CYP4F8: variants seen among roughly 807,000 people sequenced by gnomAD.
CYP4F8 encodes cytochrome P450 family 4 subfamily F member 8.
A neutral mutation model predicts 55.0 loss-of-function variants in CYP4F8; 56 were observed. The observed-to-expected ratio is 1.02, with a 90% CI of 0.82 to 1.27. The LOEUF (loss-of-function observed/expected upper bound fraction) is 1.27, where lower values mean the gene tolerates loss of function less well. Ranked by LOEUF, CYP4F8 falls within the 50% of genes most tolerant of loss-of-function variation. The pLI, the probability that CYP4F8 is intolerant of heterozygous loss-of-function variation, is 0.00. For missense variants in CYP4F8, 680 were observed against 682.4 expected (o/e 1.00, Z 0.04); for synonymous variants, 288 against 267.3 (o/e 1.08, Z -0.76).
chr19:15,628,995 C>A (rs187494471), intron 12 of CYP4F8, among the ~76,000 whole-genome samples, 152 bp downstream of exon 12: 1 of 152,134 alleles, frequency 6.6e-6, no homozygotes, highest in Non-Finnish European at 1.5e-5. Flanking sequence ...CCTCCTGCCC[C>A]GTCTGGTTTC....
At chr19:15,620,790 C>T (rs1184228124) in intron 5 of CYP4F8, among the ~76,000 whole-genome samples, 7 of 152,210 alleles carry the variant, frequency 4.6e-5, no homozygotes, top group African/African-American at 1.7e-4. Flanking sequence ...AAATAGGCTC[C>T]ATCTCTTAAT....
intron 9 of CYP4F8, chr19:15,627,201 T>C (rs996894831): frequency 2.6e-5 from 4 of 152,226 alleles, no homozygotes; most frequent in Non-Finnish European, 4.4e-5. Flanking sequence ...GGATAGGGCA[T>C]GGTGGCTTAT....
intron 3 of CYP4F8, 150 bp downstream of exon 3, chr19:15,618,294 C>T: frequency 8.5e-7 from 1 of 1,170,932 alleles, no homozygotes; most frequent in East Asian, 2.4e-5. Context: ...TTCCTGTAGT[C>T]ACCAACCCCA....
rs1446514527 is a variant in CYP4F8, at chr19:15,619,638, A to T, written c.401A>T (p.Asp134Val). 3.1e-6 allele frequency: 5 copies of T among 1,614,088 alleles called. No homozygotes were observed. Among genetic ancestry groups the T allele is most frequent in the Non-Finnish European group, 4.2e-6 (5 of 1,180,028 alleles). Residue 134 changes from aspartate (D) to valine (V), a missense_variant, in exon 5 of 13, where the codon GAT (aspartate) becomes GTT (valine). Asp to Val is a radical substitution (Grantham distance 152). Transcript: ENST00000612078. ...CAGCCTTTGGCTGCCGTACTAGGGGATGGGCTCTTGTTAAGTGTTGGTGAC... is the reference window on the plus strand; with the variant it reads ...CAGCCTTTGGCTGCCGTACTAGGGGTTGGGCTCTTGTTAAGTGTTGGTGAC... ...FYKTLKPWLG[D>V]GLLLSVGDKW...
chr19:15,626,605 A>ATATC (rs57706048), intron 9 of CYP4F8, among the ~76,000 whole-genome samples: 73,551 of 146,514 alleles, frequency 0.5, 18,232 homozygotes, highest in East Asian at 0.58. Flanking sequence ...ATTGTTCTGG[A>ATATC]TATCTATCTA....
chr19:15,615,506 C>G (rs1217278043), intron 1 of CYP4F8, 110 bp from the exon 2 acceptor site: 9 of 1,265,538 alleles, frequency 7.1e-6, no homozygotes. Flanking sequence ...CTGAGATTCC[C>G]TGAATCTCCC....
Position 15,623,346 on chromosome 19 carries a change from G to A in CYP4F8, c.889G>A (p.Asp297Asn). Residue 297 changes from aspartate (D) to asparagine (N), a missense_variant, in exon 7 of 13, where the codon GAC (aspartate) becomes AAC (asparagine). Physicochemically the swap from Asp to Asn is conservative, Grantham distance 23 (BLOSUM62 1). Transcript: ENST00000612078. ...AGCCAAGGCCAAGTCCAAGACTTTG[G>A]ACTTTATTGATGTGCTCCTGCTGAG... is the stretch of plus-strand genomic sequence containing the variant. ...LQAKAKSKTL[D>N]FIDVLLLSED... 1 of 1,614,024 alleles carries A rather than the reference G, an allele frequency of 6.2e-7. No homozygotes were observed. Among genetic ancestry groups the A allele is most frequent in the Non-Finnish European group, 8.5e-7 (1 of 1,180,014 alleles).
chr19:15,629,080 C>T, intron 12 of CYP4F8, 113 bp from the exon 13 acceptor site: 2 of 1,418,696 alleles, frequency 1.4e-6, no homozygotes, highest in South Asian at 1.4e-5. Context: ...AGCTTCCCCC[C>T]TGTCTGCCCA....
In CYP4F8 at chr19:15,623,239, G is replaced by A; in HGVS notation, c.782G>A (p.Arg261Lys). ...PCGRRFHRAC[R>K]LVHDFTDAVI... ...GGACGGCGCTTCCACAGGGCCTGCA[G>A]ACTGGTGCACGACTTCACAGATGCC... Residue 261 changes from arginine (R) to lysine (K), a missense_variant, in exon 7 of 13, where the codon AGA (arginine) becomes AAA (lysine). Physicochemically the swap from Arg to Lys is conservative, Grantham distance 26 (BLOSUM62 2). Transcript: ENST00000612078. The A allele has an allele frequency of 6.2e-7, 1 of 1,614,092 alleles. No homozygotes were observed. The highest frequency in any genetic ancestry group is 1.3e-5 in the African/African-American group (1 of 75,008).
chr19:15,628,187 T>C (rs1004960996), intron 9 of CYP4F8, 115 bp from the exon 10 acceptor site: 105 of 1,477,414 alleles, frequency 7.1e-5, no homozygotes, highest in Non-Finnish European at 9.1e-5. Flanking sequence ...TCTTTGTTGC[T>C]TCTGGAATTA....
chr19:15,628,761 GT>G lies in CYP4F8; in HGVS notation c.1316del (p.Val439AlafsTer40), dbSNP rs1167281647. ...CAGCCTTAACTTGCCTCCACCCCAG[GT>G]CTATGACCCCTTCCGCTTCGACCCA... Reference protein sequence around the residue: ...HNPSVWPDPEVYDPFRFDPEN... With the variant: ...HNPSVWPDPEXYDPFRFDPEN... On this transcript the variant is annotated frameshift_variant and splice_region_variant, in exon 12 of 13. Transcript: ENST00000612078. LOFTEE classifies it high-confidence loss of function. 6.2e-7 allele frequency: 1 copy of G among 1,613,336 alleles called. No homozygotes were observed. Among genetic ancestry groups the G allele is most frequent in the Non-Finnish European group, 8.5e-7 (1 of 1,179,788 alleles).
chr19:15,619,066 C>T, intron 3 of CYP4F8: 1 of 188,696 alleles, frequency 5.3e-6, no homozygotes, highest in Non-Finnish European at 1.1e-5. Flanking sequence ...GCAGTCTAAG[C>T]CATTAAAGAG....
intron 9 of CYP4F8, 47 bp from the exon 10 acceptor site, chr19:15,628,255 A>T (rs1198192485): frequency 6.2e-7 from 1 of 1,612,330 alleles, no homozygotes; most frequent in African/African-American, 1.3e-5. Flanking sequence ...CAGGGGCAGC[A>T]GGAGGGCCGT....
chr19:15,615,773 C>T lies in CYP4F8; in HGVS notation c.157C>T (p.Gln53Ter). Reference sequence around the variant, plus strand: ...CGGCCGCCGCCTCCGGTGTTTCCCGCAGCCCCGGAAACAGAACTGGTTCTT... The same window carrying T: ...CGGCCGCCGCCTCCGGTGTTTCCCGTAGCCCCGGAAACAGAACTGGTTCTT... Reference protein sequence around the residue: ...HNGRRLRCFPQPRKQNWFLGH... With the variant: ...HNGRRLRCFP The change falls in exon 2 of 13, where the codon CAG becomes TAG. Residue 53 changes from glutamine to a stop codon, truncating the protein, a stop_gained. Coordinates refer to ENST00000612078, the MANE Select transcript of CYP4F8 (RefSeq NM_007253.4). LOFTEE classifies it high-confidence loss of function. 2.5e-6 allele frequency: 4 copies of T among 1,613,902 alleles called. No homozygotes were observed. Among genetic ancestry groups the T allele is most frequent in the Non-Finnish European group, 3.4e-6 (4 of 1,179,874 alleles).
At position 15,623,774 on chromosome 19, in the gene CYP4F8, C is replaced by T. The variant is rs781168715; in HGVS notation, c.985+9C>T. 5.0e-6 allele frequency: 8 copies of T among 1,613,184 alleles called. No individual in the cohort carries two copies. Among genetic ancestry groups the T allele is most frequent in the Middle Eastern group, 1.9e-4 (1 of 5,288 alleles). ...CACTTTCATGTTTGGAGGTGAGTGT[C>T]CCAGTCTGGGGCTACAGTGGGGACA... On this transcript the variant is annotated intron_variant, in intron 8 of 12. Transcript: ENST00000612078.
chr19:15,621,994 C>T lies in CYP4F8; in HGVS notation c.526-225C>T, dbSNP rs1972199621. 6.0e-6 allele frequency: 3 copies of T among 499,146 alleles called. No homozygotes were observed. In the East Asian group the frequency reaches 1.2e-4, roughly 20 times the overall value. The allele number at this position is 499,146 out of a possible 1,614,324, so 30.9% of individuals were successfully genotyped here. ...GGGCTGTGAGTTGACCAAGGGTACA[C>T]ACAGCTTAGGAATCACAGCTGGGGC... On this transcript the variant is annotated intron_variant, in intron 5 of 12. Transcript: ENST00000612078.
Position 15,618,136 on chromosome 19 carries a change from A to C in CYP4F8, c.335A>C (p.Asn112Thr). Residue 112 changes from asparagine to threonine, a missense_variant, in exon 3 of 13, where the codon AAT (asparagine) becomes ACT (threonine). Asn to Thr is a moderately conservative substitution (Grantham distance 65). Coordinates refer to ENST00000612078, the MANE Select transcript of CYP4F8 (RefSeq NM_007253.4). The stretch of plus-strand genomic sequence containing the variant: ...CCTGACATCGTCCGATCTGTCATCA[A>C]TACCTCAGGTACTCCTGCAGAGCTT... The part of the protein sequence containing the change: ...CHPDIVRSVI[N>T]TSDAITDKDI... The C allele has an allele frequency of 6.2e-7, 1 of 1,614,044 alleles. No homozygotes were observed. The highest frequency in any genetic ancestry group is 8.5e-7 in the Non-Finnish European group (1 of 1,179,970).
At position 15,618,553 on chromosome 19, in the gene CYP4F8, C is replaced by T. The variant is rs714773; in HGVS notation, c.343+409C>T. 13 of 347,628 alleles carry T rather than the reference C, an allele frequency of 3.7e-5. No homozygotes were observed. In the Admixed American group the frequency reaches 5.2e-4, roughly 14 times the overall value. 21.5% of individuals were successfully genotyped at this position (347,628 alleles called of 1,614,324 possible). ...AGGCTGGAAGGCTTCCTGGAGGAGG[C>T]GTAGCAGGAGCTGGGTGTGGAACGA... On this transcript the variant is annotated intron_variant, in intron 3 of 12. Transcript: ENST00000612078.
Position 15,628,937 on chromosome 19 carries a change from G to A in CYP4F8, c.1397+94G>A. 7 of 1,394,212 alleles carry A rather than the reference G, an allele frequency of 5.0e-6. No homozygotes were observed. The South Asian group carries it at 9.5e-5, about 19-fold the overall frequency. 86.4% of individuals were successfully genotyped at this position (1,394,212 alleles called of 1,614,324 possible). A position where few individuals can be genotyped will look rare whatever the true frequency, so the allele number is the denominator to read the frequency against. The stretch of plus-strand genomic sequence containing the variant: ...CTGACTTGTAGGACCACGTGTTTCT[G>A]TGATAGGGGTTTTAAAGAAGATCCT... On this transcript the variant is annotated intron_variant, in intron 12 of 12. Transcript: ENST00000612078.
Sources: allele counts gnomAD v4.1 joint callset (sites outside exome capture counted in the v4.1 genomes callset), GRCh38; gene constraint gnomAD v4.1.1; transcripts MANE v1.5; gene names NCBI Gene and HGNC (gene_info 2026-07-23, HGNC 2026-07-21).